The following FEM1C variants were observed in gnomAD, a reference collection of about 807,000 sequenced individuals.
FEM1C encodes protein fem-1 homolog C.
Under a neutral mutation model 37.6 loss-of-function variants are expected in FEM1C, and 15 were observed. The ratio of observed to expected loss-of-function variants is 0.40; its 90% CI spans 0.27 to 0.61. The LOEUF (loss-of-function observed/expected upper bound fraction) is 0.61, where lower values mean the gene tolerates loss of function less well. Among genes scored for constraint, FEM1C ranks in the 20% least tolerant of loss-of-function variants. The pLI is 0.42. For missense variants in FEM1C, 532 were observed against 749.7 expected, an observed-to-expected ratio of 0.71 and a Z score of 3.39; for synonymous variants, 287 against 272.8, an observed-to-expected ratio of 1.05 and a Z score of -0.51.
At chr5:115,535,964 A>G (rs1483188615) in intron 2 of FEM1C, among the ~76,000 whole-genome samples, 2 of 152,026 alleles carry the variant, frequency 1.3e-5, no homozygotes, top group African/African-American at 4.8e-5. Flanking sequence ...ACAACTCACA[A>G]AAGACTACAT....
intron 2 of FEM1C, among the ~76,000 whole-genome samples, chr5:115,540,091 A>G (rs1289626646): frequency 6.6e-6 from 1 of 152,058 alleles, no homozygotes; most frequent in Admixed American, 6.5e-5. Context: ...AATCTTTTCT[A>G]CTTTTTGAAT....
intron 2 of FEM1C, among the ~76,000 whole-genome samples, chr5:115,540,589 C>T (rs1754220240): frequency 6.6e-6 from 1 of 151,946 alleles, no homozygotes; most frequent in Non-Finnish European, 1.5e-5. Context: ...ATAAAGGGAA[C>T]ATTGTTTTGA....
In FEM1C at chr5:115,522,100, A is replaced by C. The variant is rs1204881845; in HGVS notation, c.*2208T>G. On this transcript the variant is annotated 3_prime_UTR_variant, in exon 3 of 3. Transcript: ENST00000274457. ...GCAAAACAGTGAGATGTGCCTCACT[A>C]TAAGAGCATGTAAGCCCTCCCACCC... 1 of 151,862 alleles carries C rather than the reference A, an allele frequency of 6.6e-6. No individual in the cohort carries two copies. The highest frequency in any genetic ancestry group is 1.5e-5 in the Non-Finnish European group (1 of 67,806). The allele number at this position is 151,862 out of a possible 1,614,324, so 9.4% of individuals were successfully genotyped here.
At chr5:115,528,001 GAAA>G (rs58897289) in intron 2 of FEM1C, among the ~76,000 whole-genome samples, 4 of 87,088 alleles carry the variant, frequency 4.6e-5, no homozygotes, top group African/African-American at 8.5e-5. Flanking sequence ...CTTCGTCTCA[GAAA>G]AAAAAAAAAA....
chr5:115,538,082 T>C (rs1253307904), intron 2 of FEM1C, among the ~76,000 whole-genome samples: 2 of 152,052 alleles, frequency 1.3e-5, no homozygotes, highest in Admixed American at 6.6e-5. Flanking sequence ...TTTAAACTAC[T>C]ATAGAAAACA....
At chr5:115,536,770 G>C (rs1754137776) in intron 2 of FEM1C, among the ~76,000 whole-genome samples, 1 of 151,898 alleles carries the variant, frequency 6.6e-6, no homozygotes, top group African/African-American at 2.4e-5. Context: ...CTTTGTATAA[G>C]GCACTGAGCA....
chr5:115,524,200 A>G lies in FEM1C; in HGVS notation c.*108T>C. 2 of 853,716 alleles carry G rather than the reference A, an allele frequency of 2.3e-6. No individual in the cohort carries two copies. The highest frequency in any genetic ancestry group is 2.4e-5 in the Admixed American group (1 of 40,830). 52.9% of individuals were successfully genotyped at this position (853,716 alleles called of 1,614,324 possible). ...TAATGCTTTAGCCAATGAGAGCACA[A>G]TGATATCAATCAAGCTAAATGAATG... On this transcript the variant is annotated 3_prime_UTR_variant, in exon 3 of 3. Coordinates refer to ENST00000274457, the MANE Select transcript of FEM1C (RefSeq NM_020177.3).
In FEM1C at chr5:115,522,488, TA is replaced by T; in HGVS notation, c.*1819del. 6.6e-6 allele frequency: 1 copy of T among 152,116 alleles called. No homozygotes were observed. The highest frequency in any genetic ancestry group is 3.4e-3 in the Middle Eastern group (1 of 294). 9.4% of individuals were successfully genotyped at this position (152,116 alleles called of 1,614,324 possible). On this transcript the variant is annotated 3_prime_UTR_variant, in exon 3 of 3. Transcript: ENST00000274457. ...CTTTTCTTAATGGTGAAATCAAATT[TA>T]CAACCTAGCAAATGAGTAAGAATAT...
At chr5:115,527,465 G>A (rs1395317036) in intron 2 of FEM1C, among the ~76,000 whole-genome samples, 1 of 152,102 alleles carries the variant, frequency 6.6e-6, no homozygotes, top group Non-Finnish European at 1.5e-5. Flanking sequence ...TTAACAATGA[G>A]TAAGCTAACC....
Position 115,543,301 on chromosome 5 carries a change from T to C in FEM1C, c.193A>G (p.Ser65Gly). The C allele has an allele frequency of 1.2e-6, 2 of 1,614,224 alleles. No homozygotes were observed. The highest frequency in any genetic ancestry group is 1.1e-5 in the South Asian group (1 of 91,086). The stretch of plus-strand genomic sequence containing the variant: ...GAGCCCCCAACTTCTATGGAGGCAC[T>C]GCATTGCTCTAGGAGGAATTCCACC... ...DMVEFLLEQC[S>G]ASIEVGGSVN... Residue 65 changes from serine to glycine, a missense_variant, in exon 2 of 3, where the codon AGT becomes GGT. By Grantham distance (56) the Ser-to-Gly change is moderately conservative (BLOSUM62 0). This residue lies in a region of FEM1C where 74 missense variants were observed against 85.0 expected (regional missense o/e 0.87). Coordinates refer to ENST00000274457, the MANE Select transcript of FEM1C (RefSeq NM_020177.3).
chr5:115,537,427 C>G (rs960655032), intron 2 of FEM1C, among the ~76,000 whole-genome samples: 8 of 152,060 alleles, frequency 5.3e-5, no homozygotes, highest in Admixed American at 4.6e-4. Context: ...TCTCACCAAA[C>G]TGCTCAATTC....
At chr5:115,541,646 G>A (rs1754243499) in intron 2 of FEM1C, among the ~76,000 whole-genome samples, 1 of 152,146 alleles carries the variant, frequency 6.6e-6, no homozygotes. Flanking sequence ...AGTACTGGAT[G>A]TGACCTAAAT....
intron 2 of FEM1C, among the ~76,000 whole-genome samples, chr5:115,533,441 A>G (rs1754058353): frequency 1.3e-5 from 2 of 152,204 alleles, no homozygotes; most frequent in East Asian, 1.9e-4. Flanking sequence ...GTGAAAAAGT[A>G]TAACAAGCCA....
intron 2 of FEM1C, among the ~76,000 whole-genome samples, chr5:115,526,858 A>G (rs1340423827): frequency 6.6e-6 from 1 of 152,100 alleles, no homozygotes; most frequent in Non-Finnish European, 1.5e-5. Flanking sequence ...CCTAAACTGT[A>G]TGTAGAAACA....
chr5:115,521,328 T>C lies in FEM1C; in HGVS notation c.*2980A>G, dbSNP rs1753769517. 2 of 151,770 alleles carry C rather than the reference T, an allele frequency of 1.3e-5. No individual in the cohort carries two copies. The highest frequency in any genetic ancestry group is 4.8e-5 in the African/African-American group (2 of 41,418). 9.4% of individuals were successfully genotyped at this position (151,770 alleles called of 1,614,324 possible). A position where few individuals can be genotyped will look rare whatever the true frequency, so the allele number is the denominator to read the frequency against. Reference sequence around the variant, plus strand: ...TTTTTAAAGAGCTACTTTTCCCATATAACCTAAACAATTTTCCCAAATAAT... The same window carrying C: ...TTTTTAAAGAGCTACTTTTCCCATACAACCTAAACAATTTTCCCAAATAAT... On this transcript the variant is annotated 3_prime_UTR_variant, in exon 3 of 3. Coordinates refer to ENST00000274457, the MANE Select transcript of FEM1C (RefSeq NM_020177.3).
chr5:115,537,482 C>A (rs1754152676), intron 2 of FEM1C, among the ~76,000 whole-genome samples: 1 of 151,918 alleles, frequency 6.6e-6, no homozygotes, highest in Non-Finnish European at 1.5e-5. Flanking sequence ...GGACAAAGGA[C>A]CACATGGATA....
chr5:115,524,959 C>A lies in FEM1C; in HGVS notation c.1203G>T (p.Leu401=), dbSNP rs1753857872. 6.2e-7 allele frequency: 1 copy of A among 1,613,768 alleles called. No homozygotes were observed. Among genetic ancestry groups the A allele is most frequent in the Non-Finnish European group, 8.5e-7 (1 of 1,179,844 alleles). The change falls in exon 3 of 3, where the codon CTG becomes CTT. Residue 401 remains leucine (L), a synonymous_variant. Transcript: ENST00000274457. ...SFMLQDRAKG[L]LGTTVTFDDL... is the part of the protein sequence containing the mutation. Reference sequence around the variant, plus strand: ...CATCAAATGTAACAGTAGTACCCAGCAGGCCTTTAGCCCTATCCTGTAGCA... The same window carrying A: ...CATCAAATGTAACAGTAGTACCCAGAAGGCCTTTAGCCCTATCCTGTAGCA...
In FEM1C at chr5:115,525,396, C is replaced by T. The variant is rs761749339; in HGVS notation, c.766G>A (p.Val256Ile). ...NALELLGATF[V>I]DKKRDLLGAL... ...CCAAGCAGATCTCTTTTTTTGTCTA[C>T]AAATGTAGCTCCCAGAAGCTCTAGA... is the stretch of plus-strand genomic sequence containing the variant. The change falls in exon 3 of 3, where the codon GTA becomes ATA. Residue 256 changes from valine to isoleucine, a missense_variant. Around this residue, in one of 3 missense-constraint regions of FEM1C, gnomAD observed 221 missense variants for 404.1 expected, o/e 0.55. Coordinates refer to ENST00000274457, the MANE Select transcript of FEM1C (RefSeq NM_020177.3). 3 of 1,613,448 alleles carry T rather than the reference C, an allele frequency of 1.9e-6. No homozygotes were observed.
Position 115,537,330 on chromosome 5 carries a change from G to A in FEM1C, c.544+5620C>T, listed in dbSNP as rs1333472668. Among the ~76,000 whole-genome samples, 4 of 152,124 alleles carry A rather than the reference G, an allele frequency of 2.6e-5. No homozygotes were observed. The South Asian group carries it at 6.2e-4, about 24-fold the overall frequency. ...TGAAGGAACTACATTGTACCCGAAG[G>A]CCAGTAAGTGAAACGTAACTTCTAT... On this transcript the variant is annotated intron_variant, in intron 2 of 2. Transcript: ENST00000274457.
Sources: allele counts gnomAD v4.1 joint callset (sites outside exome capture counted in the v4.1 genomes callset), GRCh38; gene constraint gnomAD v4.1.1; regional missense constraint gnomAD v4.1.1; transcripts MANE v1.5; gene names NCBI Gene and HGNC (gene_info 2026-07-23, HGNC 2026-07-21).